Variants in STYXL2 observed in about 807,000 individuals in gnomAD.
The protein encoded by STYXL2 is serine/threonine/tyrosine-interacting-like protein 2.
STYXL2 carries 44 observed loss-of-function variants against 52.4 expected under a neutral mutation model. The ratio of observed to expected loss-of-function variants is 0.84; its 90% confidence interval spans 0.66 to 1.08. The LOEUF (loss-of-function observed/expected upper bound fraction) is 1.08. Ranked by LOEUF, STYXL2 falls within the 50% of genes least tolerant of loss-of-function variation. The pLI, the probability that STYXL2 is intolerant of heterozygous loss-of-function variation, is 0.00. For missense variants in STYXL2, 1,604 were observed against 1,471.7 expected, an observed-to-expected ratio of 1.09 and a Z score of -1.47; for synonymous variants, 604 against 586.9, an observed-to-expected ratio of 1.03 and a Z score of -0.42.
intron 2 of STYXL2, among the ~76,000 whole-genome samples, chr1:167,101,367 T>C (rs951203782): frequency 6.6e-6 from 1 of 152,240 alleles, no homozygotes; most frequent in Non-Finnish European, 1.5e-5. Flanking sequence ...GACAATCTTA[T>C]ATACTGCTGG....
At chr1:167,120,865 T>C (rs1043689134) in intron 5 of STYXL2, among the ~76,000 whole-genome samples, 19 of 15,948 alleles carry the variant, frequency 1.2e-3, no homozygotes, top group Non-Finnish European at 1.6e-3. Flanking sequence ...TATATATATA[T>C]ATATATATAT....
Position 167,094,895 on chromosome 1 carries a change from G to T in STYXL2, c.46G>T (p.Glu16Ter). 6.2e-7 allele frequency: 1 copy of T among 1,613,336 alleles called. No homozygotes were observed. Among genetic ancestry groups the T allele is most frequent in the South Asian group, 1.1e-5 (1 of 90,768 alleles). Residue 16 changes from glutamate (E) to a stop codon, truncating the protein, a stop_gained, in exon 2 of 6, where the codon GAG becomes TAG. Coordinates refer to ENST00000361200, the MANE Select transcript of STYXL2 (RefSeq NM_001080426.3). LOFTEE classifies it high-confidence loss of function. Reference protein sequence around the residue: ...DTEEEQVVPSEEDEANVRAVQ... With the variant: ...DTEEEQVVPS ...AGAGGAGGAGCAGGTAGTCCCAAGCGAGGAGGACGAAGCCAACGTGAGGGC... is the reference window on the plus strand; with the variant it reads ...AGAGGAGGAGCAGGTAGTCCCAAGCTAGGAGGACGAAGCCAACGTGAGGGC...
At position 167,127,632 on chromosome 1, in the gene STYXL2, A is replaced by G; in HGVS notation, c.2501A>G (p.Lys834Arg). Reference sequence around the variant, plus strand: ...CTCTTTGCTGACAATGTGGACCTAAAGGAACTTGGCCGGAAGGAGAAGGAG... The same window carrying G: ...CTCTTTGCTGACAATGTGGACCTAAGGGAACTTGGCCGGAAGGAGAAGGAG... ...FSLFADNVDL[K>R]ELGRKEKEMQ... Residue 834 changes from lysine to arginine, a missense_variant, in exon 6 of 6, where the codon AAG becomes AGG. Physicochemically the swap from Lys to Arg is conservative, Grantham distance 26. Coordinates refer to ENST00000361200, the MANE Select transcript of STYXL2 (RefSeq NM_001080426.3). 1 of 1,614,204 alleles carries G rather than the reference A, an allele frequency of 6.2e-7. No individual in the cohort carries two copies. Among genetic ancestry groups the G allele is most frequent in the Non-Finnish European group, 8.5e-7 (1 of 1,180,034 alleles).
chr1:167,127,032 G>C lies in STYXL2; in HGVS notation c.1901G>C (p.Arg634Pro). Residue 634 changes from arginine (R) to proline (P), a missense_variant, in exon 6 of 6, where the codon CGG becomes CCG. By Grantham distance (103) the Arg-to-Pro change is moderately radical. Transcript: ENST00000361200. Reference sequence around the variant, plus strand: ...AGGCTGGAGCTGCTGGAGAGAAGCCGGCAGACGCTGGAGGAGAGCCAGTCT... The same window carrying C: ...AGGCTGGAGCTGCTGGAGAGAAGCCCGCAGACGCTGGAGGAGAGCCAGTCT... ...QRRLELLERSRQTLEESQSMA... is the reference protein window; with the variant it reads ...QRRLELLERSPQTLEESQSMA... The C allele has an allele frequency of 6.2e-7, 1 of 1,607,164 alleles. No individual in the cohort carries two copies. Among genetic ancestry groups the C allele is most frequent in the Non-Finnish European group, 8.5e-7 (1 of 1,175,706 alleles).
At chr1:167,103,551 A>G (rs1023728124) in intron 2 of STYXL2, among the ~76,000 whole-genome samples, 1 of 152,210 alleles carries the variant, frequency 6.6e-6, no homozygotes, top group African/African-American at 2.4e-5. Flanking sequence ...AAAGGGGTGT[A>G]GAAAATGGAT....
At chr1:167,118,093 T>C (rs928972353) in intron 4 of STYXL2, among the ~76,000 whole-genome samples, 1 of 152,252 alleles carries the variant, frequency 6.6e-6, no homozygotes, top group African/African-American at 2.4e-5. Context: ...GTGAACAATG[T>C]TTCTCTCTGG....
rs1484168282 is a variant in STYXL2, at chr1:167,127,264, A to C, written c.2133A>C (p.Pro711=). 6.2e-7 allele frequency: 1 copy of C among 1,614,082 alleles called. No individual in the cohort carries two copies. The highest frequency in any genetic ancestry group is 1.3e-5 in the African/African-American group (1 of 74,920). The change falls in exon 6 of 6, where the codon CCA becomes CCC. Residue 711 remains proline (P), a synonymous_variant. Coordinates refer to ENST00000361200, the MANE Select transcript of STYXL2 (RefSeq NM_001080426.3). Reference sequence around the variant, plus strand: ...CCACCACACCCCTGCCTAACCTGCCAGTGGGGCCTGGAGACACCATTTCCA... The same window carrying C: ...CCACCACACCCCTGCCTAACCTGCCCGTGGGGCCTGGAGACACCATTTCCA... ...SNPTTPLPNL[P]VGPGDTISIA...
intron 4 of STYXL2, among the ~76,000 whole-genome samples, chr1:167,118,408 G>A (rs529775641): frequency 2.6e-5 from 4 of 152,312 alleles, no homozygotes; most frequent in East Asian, 1.9e-4. Context: ...CCTCAGGGGA[G>A]GGAATAGGGA....
chr1:167,098,830 T>A (rs1285359740), intron 2 of STYXL2, among the ~76,000 whole-genome samples: 1 of 152,186 alleles, frequency 6.6e-6, no homozygotes, highest in Non-Finnish European at 1.5e-5. Context: ...GCATGGTAGC[T>A]AAATTCCAAG....
Position 167,126,629 on chromosome 1 carries a change from AAG to A in STYXL2, c.1505_1506del (p.Glu502GlyfsTer17), listed in dbSNP as rs1558027718. 1 of 1,614,094 alleles carries A rather than the reference AAG, an allele frequency of 6.2e-7. No homozygotes were observed. Among genetic ancestry groups the A allele is most frequent in the Admixed American group, 1.7e-5 (1 of 60,022 alleles). On this transcript the variant is annotated frameshift_variant, in exon 6 of 6. Coordinates refer to ENST00000361200, the MANE Select transcript of STYXL2 (RefSeq NM_001080426.3). LOFTEE classifies it low-confidence loss of function (END_TRUNC). ...EASRRYHAKS[K>X]REEAADRSSE... ...TTCCCGGAGGTACCACGCCAAGAGC[AAG>A]AGAGAGGAGGCGGCAGACAGGAGCT... is the stretch of plus-strand genomic sequence containing the variant.
At chr1:167,117,583 C>T in intron 4 of STYXL2, 24 bp downstream of exon 4, 2 of 1,559,280 alleles carry the variant, frequency 1.3e-6, no homozygotes, top group Non-Finnish European at 1.7e-6. Flanking sequence ...CTCTTCATGA[C>T]CCTTTGTCCT....
chr1:167,110,322 A>G (rs4656523), intron 2 of STYXL2, among the ~76,000 whole-genome samples: 57,088 of 152,026 alleles, frequency 0.38, 12,441 homozygotes, highest in East Asian at 0.73. Flanking sequence ...AGGTTCTTTA[A>G]CACCCCCAAA....
chr1:167,121,140 G>A (rs2102243295), intron 5 of STYXL2, among the ~76,000 whole-genome samples: 1 of 151,742 alleles, frequency 6.6e-6, no homozygotes, highest in South Asian at 2.1e-4. Context: ...AGCGTCCCGA[G>A]TAGCTGGGAT....
intron 5 of STYXL2, among the ~76,000 whole-genome samples, chr1:167,123,777 C>T (rs1369662959): frequency 2.6e-5 from 4 of 152,126 alleles, no homozygotes; most frequent in Admixed American, 1.3e-4. Flanking sequence ...GTGCTCTCCA[C>T]CACGCCCAGC....
intron 2 of STYXL2, among the ~76,000 whole-genome samples, chr1:167,109,887 A>C (rs1044244228): frequency 3.3e-5 from 5 of 152,238 alleles, no homozygotes; most frequent in Non-Finnish European, 5.9e-5. Context: ...TCCACATGAC[A>C]ACTTCACTGC....
chr1:167,100,473 A>G (rs1667381301), intron 2 of STYXL2, among the ~76,000 whole-genome samples: 1 of 152,204 alleles, frequency 6.6e-6, no homozygotes, highest in African/African-American at 2.4e-5. Context: ...GGCAGGGGTG[A>G]AGGGAATCAC....
intron 2 of STYXL2, among the ~76,000 whole-genome samples, chr1:167,097,718 A>G (rs1667318579): frequency 6.6e-6 from 1 of 152,106 alleles, no homozygotes; most frequent in African/African-American, 2.4e-5. Context: ...AAAGAATAAT[A>G]AGAAAATAGT....
rs769193077 is a variant in STYXL2, at chr1:167,119,449, C to A, written c.638C>A (p.Ala213Glu). The A allele has an allele frequency of 1.2e-6, 2 of 1,613,934 alleles. No homozygotes were observed. The highest frequency in any genetic ancestry group is 1.1e-5 in the South Asian group (1 of 91,090). Residue 213 changes from alanine (A) to glutamate (E), a missense_variant, in exon 5 of 6, where the codon GCG (alanine) becomes GAG (glutamate). Coordinates refer to ENST00000361200, the MANE Select transcript of STYXL2 (RefSeq NM_001080426.3). ...AAGGCGTCTGAGTTCCTGGATGAGG[C>A]GCTGCTGACTTACAGAGGTGAGAGG... ...FRKASEFLDE[A>E]LLTYRGKVLV...
chr1:167,105,227 G>T (rs993613126), intron 2 of STYXL2, among the ~76,000 whole-genome samples: 24 of 144,720 alleles, frequency 1.7e-4, no homozygotes, highest in Non-Finnish European at 3.5e-4. Flanking sequence ...CCACTGAATT[G>T]ATTTTATGAT....
Sources: gnomAD v4.1 joint callset for allele counts (sites outside exome capture counted in the v4.1 genomes callset) on GRCh38, gnomAD v4.1.1 for gene constraint, MANE v1.5 for transcripts, NCBI Gene and HGNC (gene_info 2026-07-23, HGNC 2026-07-21) for gene names.